The following SLC67A1 variants were observed in gnomAD, a reference collection of about 807,000 sequenced individuals.
SLC67A1 encodes the protein solute carrier family 67 member A1.
the SLC67A1 span, among the ~76,000 whole-genome samples, chr11:2,906,927 C>T: frequency 1.3e-5 from 2 of 149,572 alleles, no homozygotes; most frequent in East Asian, 3.9e-4. Flanking sequence ...ACACTAGCGG[C>T]GCTGGGGAGG....
chr11:2,909,685 G>A, the SLC67A1 span: 8 of 1,542,782 alleles, frequency 5.2e-6, no homozygotes, highest in Admixed American at 1.9e-5. Context: ...CTCCCTGCTG[G>A]GCGGGACCCT....
At chr11:2,922,549 G>C in the SLC67A1 span, 75 of 1,611,958 alleles carry the variant, frequency 4.7e-5, no homozygotes, top group Non-Finnish European at 5.7e-5. Context: ...TCTCCACCTC[G>C]GACACAGGTG....
At chr11:2,906,071 A>C in the SLC67A1 span, among the ~76,000 whole-genome samples, 5 of 152,188 alleles carry the variant, frequency 3.3e-5, no homozygotes, top group Non-Finnish European at 7.3e-5. Flanking sequence ...CTATGAACAG[A>C]CACTTCTCAA....
the SLC67A1 span, chr11:2,909,935 C>A: frequency 1.7e-5 from 8 of 479,386 alleles, no homozygotes; most frequent in Non-Finnish European, 2.5e-5. Flanking sequence ...CTGTCCGGGG[C>A]GCGACTGGAC....
chr11:2,907,540 A>G, the SLC67A1 span, among the ~76,000 whole-genome samples: 1 of 152,208 alleles, frequency 6.6e-6, no homozygotes, highest in Non-Finnish European at 1.5e-5. The surrounding 1 kb of genome is among the most constrained non-coding windows in gnomAD (Gnocchi z 6.7). Context: ...TCATGTCCTC[A>G]CTGTAACCTG....
At chr11:2,919,246 G>A in the SLC67A1 span, 4 of 1,221,724 alleles carry the variant, frequency 3.3e-6, no homozygotes, top group Non-Finnish European at 4.8e-6. Context: ...AGGCGGGAGG[G>A]AGGTGGGCGC....
chr11:2,908,320 G>A, the SLC67A1 span: 5 of 1,612,914 alleles, frequency 3.1e-6, no homozygotes, highest in Non-Finnish European at 4.2e-6. Flanking sequence ...GGGCGGGCCG[G>A]TATTTGGCAG....
chr11:2,903,500 C>T, the SLC67A1 span: 3 of 1,612,822 alleles, frequency 1.9e-6, no homozygotes, highest in Non-Finnish European at 2.5e-6. Context: ...GTGAGTAACA[C>T]ACCCCAGCCC....
chr11:2,922,047 A>G, the SLC67A1 span: 1,545 of 1,337,888 alleles, frequency 1.2e-3, 15 homozygotes, highest in African/African-American at 0.018. Context: ...CACAGTCCAG[A>G]CGCCCCTCCC....
the SLC67A1 span, among the ~76,000 whole-genome samples, chr11:2,911,759 C>T: frequency 1.3e-4 from 20 of 152,304 alleles, 1 homozygote; most frequent in African/African-American, 4.1e-4. Flanking sequence ...TGGAGCAGCT[C>T]AGCACACATG....
At chr11:2,914,886 C>G in the SLC67A1 span, 2 of 985,432 alleles carry the variant, frequency 2.0e-6, no homozygotes, top group Non-Finnish European at 2.4e-6. Context: ...GTCCCTCCTG[C>G]GCCATACATC....
At chr11:2,906,949 G>A in the SLC67A1 span, among the ~76,000 whole-genome samples, 1 of 152,188 alleles carries the variant, frequency 6.6e-6, no homozygotes, top group South Asian at 2.1e-4. Context: ...GAGGGATGGA[G>A]GAGGCAGAGG....
the SLC67A1 span, chr11:2,903,139 A>G: frequency 7.9e-7 from 1 of 1,258,298 alleles, no homozygotes; most frequent in East Asian, 2.7e-5. Context: ...GGACCCCCTG[A>G]TGTGTCCTCT....
chr11:2,904,898 C>G, the SLC67A1 span, among the ~76,000 whole-genome samples: 1 of 152,204 alleles, frequency 6.6e-6, no homozygotes, highest in Non-Finnish European at 1.5e-5. Context: ...ACCCCACCTG[C>G]TGCTCAAAGA....
At chr11:2,925,041 A>G in the SLC67A1 span, 1 of 1,613,220 alleles carries the variant, frequency 6.2e-7, no homozygotes, top group East Asian at 2.2e-5. This position sits in a 1 kb window ranked among gnomAD's most constrained non-coding sequence, Gnocchi z 6.5. Context: ...CCTCTGTACA[A>G]CCACTGCTCC....
At chr11:2,915,739 GC>G in the SLC67A1 span, among the ~76,000 whole-genome samples, 1,231 of 152,330 alleles carry the variant, frequency 8.1e-3, 9 homozygotes, top group Admixed American at 0.011. Context: ...TCCGGCACAG[GC>G]CTGGAGGCCT....
chr11:2,913,132 C>A, the SLC67A1 span, among the ~76,000 whole-genome samples: 1 of 152,128 alleles, frequency 6.6e-6, no homozygotes, highest in East Asian at 1.9e-4. Context: ...CAGATAGATG[C>A]AGGGCAGGGG....
the SLC67A1 span, chr11:2,918,189 G>A: frequency 1.1e-6 from 1 of 907,680 alleles, no homozygotes; most frequent in South Asian, 1.6e-5. Flanking sequence ...GTGCCCCACA[G>A]GTCCACACAG....
the SLC67A1 span, among the ~76,000 whole-genome samples, chr11:2,911,863 A>G: frequency 1.9e-3 from 282 of 152,154 alleles, no homozygotes; most frequent in Middle Eastern, 3.4e-3. Context: ...GACACCACTC[A>G]TGTCCCTCTC....
Sources: gnomAD v4.1 joint callset for allele counts (sites outside exome capture counted in the v4.1 genomes callset) on GRCh38, gnomAD v4.1.1 for gene constraint, Gnocchi (gnomAD v3.1) non-coding constraint, MANE v1.5 for transcripts, NCBI Gene and HGNC (gene_info 2026-07-23, HGNC 2026-07-21) for gene names.